GRID1: variants seen among roughly 807,000 people sequenced by gnomAD.
GRID1 encodes the protein glutamate receptor ionotropic, delta-1.
GRID1 carries 28 observed loss-of-function variants against 98.0 expected under a neutral mutation model. The ratio of observed to expected loss-of-function variants is 0.29; its 90% CI spans 0.21 to 0.39. The LOEUF (loss-of-function observed/expected upper bound fraction) is 0.39. GRID1 is among the 10% of genes least tolerant of loss of function. The probability of loss-of-function intolerance (pLI) is 1.00; values close to 1 mark genes in which losing one functional copy is unlikely to be tolerated. For missense variants in GRID1, 1,111 were observed against 1,340.5 expected (o/e 0.83, Z 2.67); for synonymous variants, 553 against 538.5 (o/e 1.03, Z -0.37).
intron 6 of GRID1, among the ~76,000 whole-genome samples, chr10:85,865,930 TATATATATATATACAC>T (rs1843213041): frequency 8.7e-6 from 1 of 114,496 alleles, no homozygotes; most frequent in African/African-American, 3.4e-5. Context: ...TATATATATA[TATATATATATATACAC>T]ATATATATGG....
At chr10:85,659,326 C>T (rs1840938509) in intron 12 of GRID1, among the ~76,000 whole-genome samples, 1 of 152,176 alleles carries the variant, frequency 6.6e-6, no homozygotes, top group Admixed American at 6.5e-5. Context: ...GAGGGTATGC[C>T]ATTTGCTATG....
intron 8 of GRID1, among the ~76,000 whole-genome samples, chr10:85,799,396 T>C (rs531705929): frequency 6.6e-6 from 1 of 152,250 alleles, no homozygotes; most frequent in Non-Finnish European, 1.5e-5. Flanking sequence ...GTTGAAGGAA[T>C]ATCTGCACTC....
At chr10:85,627,962 C>G (rs1167402798) in intron 13 of GRID1, among the ~76,000 whole-genome samples, 1 of 152,156 alleles carries the variant, frequency 6.6e-6, no homozygotes, top group African/African-American at 2.4e-5. Flanking sequence ...GCAACACACT[C>G]TGTGTGAGTA....
At chr10:85,884,108 T>C (rs1040174944) in intron 5 of GRID1, among the ~76,000 whole-genome samples, 2 of 152,072 alleles carry the variant, frequency 1.3e-5, no homozygotes, top group Non-Finnish European at 1.5e-5. Context: ...TTGCTGGGAG[T>C]TCCTATTACC....
At chr10:85,689,029 G>A (rs1162052234) in intron 12 of GRID1, among the ~76,000 whole-genome samples, 3 of 152,110 alleles carry the variant, frequency 2.0e-5, no homozygotes, top group East Asian at 3.9e-4. Context: ...GTTCCACCCC[G>A]TTGATATCAT....
chr10:86,097,537 G>A (rs776573580), intron 4 of GRID1, among the ~76,000 whole-genome samples: 11 of 151,984 alleles, frequency 7.2e-5, no homozygotes, highest in Non-Finnish European at 1.5e-4. Context: ...CTATCTGTCT[G>A]TCTATCTATC....
chr10:86,020,395 G>A (rs1843034164), intron 4 of GRID1, among the ~76,000 whole-genome samples: 1 of 152,216 alleles, frequency 6.6e-6, no homozygotes, highest in Non-Finnish European at 1.5e-5. Flanking sequence ...ATGTGCAGGA[G>A]TCGACACTCG....
chr10:86,329,869 T>A (rs898005509), intron 2 of GRID1, among the ~76,000 whole-genome samples: 8 of 152,154 alleles, frequency 5.3e-5, no homozygotes, highest in Admixed American at 5.2e-4. Context: ...CAGTTTGGCA[T>A]CACTGGTGCC....
chr10:85,651,094 T>G (rs1843262940), intron 12 of GRID1, among the ~76,000 whole-genome samples: 1 of 152,222 alleles, frequency 6.6e-6, no homozygotes, highest in Non-Finnish European at 1.5e-5. Context: ...CAGGTGATTC[T>G]GATGCATGCA....
intron 2 of GRID1, among the ~76,000 whole-genome samples, chr10:86,296,366 G>A (rs560804522): frequency 3.3e-5 from 5 of 152,354 alleles, no homozygotes; most frequent in South Asian, 2.1e-4. Context: ...GCTTGTTAAG[G>A]TGGTGAGATG....
chr10:86,035,602 C>G, intron 4 of GRID1, among the ~76,000 whole-genome samples: 1 of 152,122 alleles, frequency 6.6e-6, no homozygotes, highest in East Asian at 1.9e-4. Flanking sequence ...TTCCCAGAGT[C>G]CCCTCTCAAT....
chr10:85,727,589 A>G (rs535531530), intron 10 of GRID1, among the ~76,000 whole-genome samples: 18 of 152,314 alleles, frequency 1.2e-4, no homozygotes, highest in Non-Finnish European at 2.4e-4. Flanking sequence ...GGTGTGCTAC[A>G]GAGTAGGCAC....
chr10:85,607,069 T>G (rs1254487957), intron 15 of GRID1: 2 of 152,194 alleles, frequency 1.3e-5, no homozygotes, highest in African/African-American at 2.4e-5. Flanking sequence ...GCTCTGCGTT[T>G]CTCATCCCAT....
chr10:85,813,846 G>A (rs779139120), intron 8 of GRID1, among the ~76,000 whole-genome samples: 17 of 151,704 alleles, frequency 1.1e-4, no homozygotes, highest in Non-Finnish European at 2.5e-4. Context: ...ATGCAAAATA[G>A]CATAGGGGTA....
chr10:86,136,033 G>A (rs1347036653), intron 4 of GRID1, among the ~76,000 whole-genome samples: 1 of 152,180 alleles, frequency 6.6e-6, no homozygotes, highest in Non-Finnish European at 1.5e-5. Flanking sequence ...CCTTAACTGT[G>A]CTTTGGGCTT....
chr10:85,755,427 G>A (rs576393296), intron 8 of GRID1, among the ~76,000 whole-genome samples: 7 of 152,264 alleles, frequency 4.6e-5, no homozygotes, highest in Admixed American at 2.6e-4. Context: ...TCAGGATGGC[G>A]TCCAAGGGAA....
Position 85,788,634 on chromosome 10 carries a change from G to A in GRID1, c.1234-59020C>T, listed in dbSNP as rs539519247. ...CCTGAGTAGAGGTCTGGGAAGTCTC[G>A]TCATCTTCTGGGTCACTGATTTATT... On this transcript the variant is annotated intron_variant, in intron 8 of 15. Coordinates refer to ENST00000327946, the MANE Select transcript of GRID1 (RefSeq NM_017551.3). 7.2e-5 allele frequency among the ~76,000 whole-genome samples: 11 copies of A among 152,330 alleles called. No individual in the cohort carries two copies. In the East Asian group the frequency reaches 7.7e-4, roughly 11 times the overall value.
In GRID1 at chr10:86,366,509, G is replaced by T. The variant is rs931863805; in HGVS notation, c.-117C>A. ...GCCGCTCCCCGGGAGAGCCGAGCCC[G>T]CCCGTGCGTCTTCCCCCGCGCGCCC... On this transcript the variant is annotated 5_prime_UTR_variant, in exon 1 of 16. Coordinates refer to ENST00000327946, the MANE Select transcript of GRID1 (RefSeq NM_017551.3). The surrounding 1 kb of genome is among the most constrained non-coding windows in gnomAD (Gnocchi z 4.1). The T allele has an allele frequency of 4.8e-5, 25 of 515,592 alleles. No homozygotes were observed. Among genetic ancestry groups the T allele is most frequent in the South Asian group, 7.4e-5 (1 of 13,584 alleles). The allele number at this position is 515,592 out of a possible 1,614,324, so 31.9% of individuals were successfully genotyped here. A position where few individuals can be genotyped will look rare whatever the true frequency, so the allele number is the denominator to read the frequency against.
intron 2 of GRID1, among the ~76,000 whole-genome samples, chr10:86,256,725 G>C (rs1026835933): frequency 6.6e-6 from 1 of 152,206 alleles, no homozygotes; most frequent in Admixed American, 6.5e-5. Context: ...CTGACCTGGT[G>C]AGCTGCCTAT....
Sources: gnomAD v4.1 joint callset for allele counts (sites outside exome capture counted in the v4.1 genomes callset) on GRCh38, gnomAD v4.1.1 for gene constraint, Gnocchi (gnomAD v3.1) non-coding constraint, MANE v1.5 for transcripts, NCBI Gene and HGNC (gene_info 2026-07-23, HGNC 2026-07-21) for gene names.